PCDH15: variants seen among roughly 807,000 people sequenced by gnomAD.
PCDH15 encodes protocadherin-15.
A neutral mutation model predicts 178.5 loss-of-function variants in PCDH15; 129 were observed. The observed-to-expected ratio is 0.72, with a 90% CI of 0.63 to 0.84. The LOEUF (loss-of-function observed/expected upper bound fraction) is 0.84, where lower values mean the gene tolerates loss of function less well. Among genes scored for constraint, PCDH15 ranks in the 40% least tolerant of loss-of-function variants. The pLI is 0.00. For missense variants in PCDH15, 2,230 were observed against 2,099.9 expected (o/e 1.06, Z -1.21); for synonymous variants, 800 against 732.0 (o/e 1.09, Z -1.50).
rs948520744 is a variant in PCDH15 at position 55,118,250 on chromosome 10, A to T, written c.-80+48326T>A. Among the ~76,000 whole-genome samples, 5 of 152,152 alleles carry T rather than the reference A, an allele frequency of 3.3e-5. No homozygotes were observed. In the East Asian group the frequency reaches 9.6e-4, roughly 29 times the overall value. ...GTTTCAGGGATGAAATTCAAAATAC[A>T]AAAAGGTTAAATAAAAAATCTGGGT... is the stretch of plus-strand genomic sequence containing the variant. On this transcript the variant is annotated intron_variant, in intron 2 of 5. Coordinates refer to the PCDH15 transcript ENST00000458638.
chr10:54,365,614 G>A (rs1051782153), intron 5 of PCDH15, among the ~76,000 whole-genome samples: 1 of 152,054 alleles, frequency 6.6e-6, no homozygotes, highest in East Asian at 1.9e-4. Context: ...TTTGGGGGGT[G>A]AGATGAACCT....
At chr10:54,360,763 A>T (rs1945893920) in intron 5 of PCDH15, among the ~76,000 whole-genome samples, 1 of 152,032 alleles carries the variant, frequency 6.6e-6, no homozygotes. Context: ...GGTCTTTTAC[A>T]GTGTCCCCTC....
chr10:53,928,531 A>G (rs2084772577), intron 25 of PCDH15, among the ~76,000 whole-genome samples: 2 of 152,048 alleles, frequency 1.3e-5, no homozygotes, highest in Admixed American at 1.3e-4. Context: ...ATATCTATCA[A>G]TGTTAAACTA....
chr10:54,458,084 C>T (rs2076940167), intron 3 of PCDH15, among the ~76,000 whole-genome samples: 1 of 152,112 alleles, frequency 6.6e-6, no homozygotes, highest in Non-Finnish European at 1.5e-5. Context: ...TTATGTATCT[C>T]CCTTATTTAA....
intron 1 of PCDH15, among the ~76,000 whole-genome samples, chr10:54,716,159 G>A (rs1309923932): frequency 1.3e-5 from 2 of 152,142 alleles, no homozygotes; most frequent in African/African-American, 4.8e-5. Flanking sequence ...GGCCTGCTCA[G>A]TCTGGTCCCA....
intron 11 of PCDH15, among the ~76,000 whole-genome samples, chr10:54,194,318 T>G (rs1027545218): frequency 3.3e-5 from 5 of 152,132 alleles, no homozygotes; most frequent in African/African-American, 9.7e-5. Context: ...GTGACATGTA[T>G]TTATATTTAA....
chr10:53,982,017 A>G (rs1055256081), intron 21 of PCDH15, among the ~76,000 whole-genome samples: 1 of 152,252 alleles, frequency 6.6e-6, no homozygotes, highest in Non-Finnish European at 1.5e-5. Context: ...AAGGATATGA[A>G]CAGACACTTT....
chr10:55,227,027 A>C (rs1841066640), intron 1 of PCDH15, among the ~76,000 whole-genome samples: 1 of 152,084 alleles, frequency 6.6e-6, no homozygotes, highest in Non-Finnish European at 1.5e-5. Flanking sequence ...AGCTTTAAGA[A>C]TAATTAGCTT....
At chr10:55,204,811 A>C (rs1486444828) in intron 1 of PCDH15, among the ~76,000 whole-genome samples, 1 of 152,148 alleles carries the variant, frequency 6.6e-6, no homozygotes, top group East Asian at 1.9e-4. Context: ...TTAATTTTTT[A>C]CAACAGTTCT....
chr10:54,042,636 A>C (rs576179099), intron 18 of PCDH15, among the ~76,000 whole-genome samples: 4 of 152,188 alleles, frequency 2.6e-5, no homozygotes, highest in Non-Finnish European at 4.4e-5. Flanking sequence ...GCTGGAGTGG[A>C]GTGATGCAAA....
At chr10:55,420,657 T>C (rs1171324757) in intron 2 of PCDH15, among the ~76,000 whole-genome samples, 2 of 151,708 alleles carry the variant, frequency 1.3e-5, no homozygotes, top group African/African-American at 4.8e-5. Context: ...AACATAAAAA[T>C]TAATTATATT....
chr10:54,516,729 G>A (rs1309092225), intron 3 of PCDH15, among the ~76,000 whole-genome samples: 5 of 151,296 alleles, frequency 3.3e-5, no homozygotes, highest in Non-Finnish European at 7.4e-5. Context: ...GATACTCCTC[G>A]AGAAGAGCAA....
intron 2 of PCDH15, among the ~76,000 whole-genome samples, chr10:55,001,892 G>A (rs1839803822): frequency 6.6e-6 from 1 of 152,154 alleles, no homozygotes; most frequent in Admixed American, 6.5e-5. Context: ...TACTGTACTT[G>A]TATTTAGCAT....
intron 1 of PCDH15, among the ~76,000 whole-genome samples, chr10:54,765,645 C>T (rs1011802929): frequency 6.6e-6 from 1 of 152,066 alleles, no homozygotes; most frequent in African/African-American, 2.4e-5. Context: ...CTACAATGTG[C>T]CATTCTTTAT....
At chr10:54,295,396 C>T (rs2059687025) in intron 8 of PCDH15, among the ~76,000 whole-genome samples, 3 of 152,212 alleles carry the variant, frequency 2.0e-5, no homozygotes, top group Non-Finnish European at 2.9e-5. Flanking sequence ...CCACCAGAGC[C>T]AGCAGCGTCA....
At chr10:54,261,326 G>A (rs2057302952) in intron 8 of PCDH15, among the ~76,000 whole-genome samples, 1 of 151,574 alleles carries the variant, frequency 6.6e-6, no homozygotes, top group African/African-American at 2.4e-5. Flanking sequence ...GACAGATTTT[G>A]GAAAAATAGC....
chr10:54,624,416 G>A (rs553488690), intron 2 of PCDH15, among the ~76,000 whole-genome samples: 7 of 152,152 alleles, frequency 4.6e-5, no homozygotes, highest in Admixed American at 2.6e-4. Context: ...AACATTAAAA[G>A]TGTCATAAAG....
chr10:55,246,987 ATGT>A (rs1182347693), intron 1 of PCDH15, among the ~76,000 whole-genome samples: 1 of 152,024 alleles, frequency 6.6e-6, no homozygotes, highest in Non-Finnish European at 1.5e-5. Context: ...CTCTTTTTCT[ATGT>A]TGATTAACAT....
At chr10:54,353,432 A>G (rs1286619219) in intron 5 of PCDH15, among the ~76,000 whole-genome samples, 1 of 152,166 alleles carries the variant, frequency 6.6e-6, no homozygotes, top group African/African-American at 2.4e-5. Flanking sequence ...AATATTCAGT[A>G]TGTTGAGTTT....
Sources: allele counts gnomAD v4.1 joint callset (sites outside exome capture counted in the v4.1 genomes callset), GRCh38; gene constraint gnomAD v4.1.1; transcripts MANE v1.5; gene names NCBI Gene and HGNC (gene_info 2026-07-23, HGNC 2026-07-21).